DNMT1: variants seen among roughly 807,000 people sequenced by gnomAD.
DNMT1 encodes DNA methyltransferase 1.
Under a neutral mutation model 205.3 loss-of-function variants are expected in DNMT1, and 24 were observed. The observed-to-expected ratio is 0.12, with a 90% CI of 0.08 to 0.16. DNMT1 has a LOEUF of 0.16. Among genes scored for constraint, DNMT1 ranks in the 10% least tolerant of loss-of-function variants. The probability of loss-of-function intolerance (pLI) is 1.00; values close to 1 mark genes in which losing one functional copy is unlikely to be tolerated. For synonymous variants in DNMT1, 817 were observed against 839.8 expected (o/e 0.97, Z 0.47); for missense variants, 1,293 against 2,177.7 (o/e 0.59, Z 8.09).
chr19:10,136,007 G>T, intron 38 of DNMT1, 114 bp downstream of exon 38: 2 of 1,528,014 alleles, frequency 1.3e-6, no homozygotes, highest in Non-Finnish European at 1.8e-6. Flanking sequence ...CAGAGGCCAG[G>T]TGCCTGGGGT....
At chr19:10,165,342 G>C (rs1169155930) in intron 11 of DNMT1, among the ~76,000 whole-genome samples, 1 of 152,150 alleles carries the variant, frequency 6.6e-6, no homozygotes, top group Non-Finnish European at 1.5e-5. Flanking sequence ...GGGGCCCCCT[G>C]GGGTGGAACA....
chr19:10,162,423 C>A (rs1216251302), intron 13 of DNMT1, among the ~76,000 whole-genome samples: 1 of 151,806 alleles, frequency 6.6e-6, no homozygotes, highest in Non-Finnish European at 1.5e-5. Flanking sequence ...GCGTGCACCA[C>A]CATGCCCAGA....
In DNMT1 at chr19:10,146,341, G is replaced by A. The variant is rs781063026; in HGVS notation, c.2894+10C>T. On this transcript the variant is annotated intron_variant, in intron 28 of 40. Transcript: ENST00000359526. This position sits in a 1 kb window ranked among gnomAD's most constrained non-coding sequence, Gnocchi z 4.4. ...CGCCCTGGCCCCGGCTGCTCCGAGGGGGCACTTACTTGAACGTGAAGGCCT... is the reference window on the plus strand; with the variant it reads ...CGCCCTGGCCCCGGCTGCTCCGAGGAGGCACTTACTTGAACGTGAAGGCCT... 1.9e-6 allele frequency: 3 copies of A among 1,613,764 alleles called. No homozygotes were observed. Among genetic ancestry groups the A allele is most frequent in the East Asian group, 2.2e-5 (1 of 44,874 alleles).
chr19:10,180,644 C>CCTT, intron 3 of DNMT1, 75 bp from the exon 4 acceptor site: 1 of 1,492,564 alleles, frequency 6.7e-7, no homozygotes, highest in Non-Finnish European at 9.3e-7. Flanking sequence ...ACATGTGTTT[C>CCTT]CTTCATCATC....
chr19:10,160,087 A>G, intron 14 of DNMT1, 24 bp from the exon 15 acceptor site: 1 of 1,611,744 alleles, frequency 6.2e-7, no homozygotes, highest in Middle Eastern at 1.7e-4. Flanking sequence ...AAAAATCACA[A>G]GATCGTTTGT....
At chr19:10,164,370 T>G (rs2038639737) in intron 11 of DNMT1, among the ~76,000 whole-genome samples, 2 of 152,190 alleles carry the variant, frequency 1.3e-5, no homozygotes, top group Admixed American at 1.3e-4. Flanking sequence ...TTCAAACTCC[T>G]GACTTCAGGT....
chr19:10,188,063 G>C (rs2039229060), intron 1 of DNMT1, among the ~76,000 whole-genome samples: 1 of 152,200 alleles, frequency 6.6e-6, no homozygotes, highest in Non-Finnish European at 1.5e-5. Flanking sequence ...GATCACTAGA[G>C]CCCAGTGAGC....
Position 10,138,123 on chromosome 19 carries a change from C to G in DNMT1, c.4116-114G>C. The G allele has an allele frequency of 7.6e-7, 1 of 1,318,262 alleles. No homozygotes were observed. Among genetic ancestry groups the G allele is most frequent in the Non-Finnish European group, 1.1e-6 (1 of 948,690 alleles). The allele number at this position is 1,318,262 out of a possible 1,614,324, so 81.7% of individuals were successfully genotyped here. A position where few individuals can be genotyped will look rare whatever the true frequency, so the allele number is the denominator to read the frequency against. ...GCCTTCTCCCGAGATCACAGCACTGCCCGAGGTCACATGGGTGGCAGTGTG... is the reference window on the plus strand; with the variant it reads ...GCCTTCTCCCGAGATCACAGCACTGGCCGAGGTCACATGGGTGGCAGTGTG... On this transcript the variant is annotated intron_variant, in intron 35 of 40. Coordinates refer to ENST00000359526, the MANE Select transcript of DNMT1 (RefSeq NM_001130823.3). This position sits in a 1 kb window ranked among gnomAD's most constrained non-coding sequence, Gnocchi z 4.1.
At position 10,161,279 on chromosome 19, in the gene DNMT1, T is replaced by C. The variant is rs1402563700; in HGVS notation, c.1009-861A>G. ...GATGTCGCACCACTGTACTCCAGCCTGGCGGCAGAGCGAGACTCTGTCTCA... is the reference window on the plus strand; with the variant it reads ...GATGTCGCACCACTGTACTCCAGCCCGGCGGCAGAGCGAGACTCTGTCTCA... On this transcript the variant is annotated intron_variant, in intron 13 of 40. Transcript: ENST00000359526. 2.0e-5 allele frequency among the ~76,000 whole-genome samples: 3 copies of C among 152,022 alleles called. No individual in the cohort carries two copies. In the East Asian group the frequency reaches 5.8e-4, roughly 29 times the overall value.
At chr19:10,186,531 G>T (rs994980053) in intron 1 of DNMT1, among the ~76,000 whole-genome samples, 1 of 152,052 alleles carries the variant, frequency 6.6e-6, no homozygotes, top group African/African-American at 2.4e-5. Context: ...CTCTGCAGAG[G>T]GGAGATAAGA....
rs548883904 is a variant in DNMT1 at position 10,142,153 on chromosome 19, C to G, written c.3184G>C (p.Asp1062His). The G allele has an allele frequency of 2.5e-5, 40 of 1,614,036 alleles. 1 individual carries two copies. The South Asian group carries it at 3.3e-4, about 13-fold the overall frequency. Residue 1062 changes from aspartate to histidine, a missense_variant, in exon 30 of 41, where the codon GAC (aspartate) becomes CAC (histidine). Physicochemically the swap from Asp to His is moderately conservative, Grantham distance 81. Transcript: ENST00000359526. ...HADINLLYWS[D>H]EEAVVDFKAV... is the part of the protein sequence containing the mutation. ...TTGAAGTCCACCACGGCCTCCTCGT[C>G]GCTCCAGTAGAGCAGGTTGATGTCT...
At position 10,149,625 on chromosome 19, in the gene DNMT1, C is replaced by A; in HGVS notation, c.2414G>T (p.Gly805Val). The A allele has an allele frequency of 1.2e-6, 2 of 1,613,918 alleles. No homozygotes were observed. The highest frequency in any genetic ancestry group is 2.2e-5 in the South Asian group (2 of 91,062). The stretch of plus-strand genomic sequence containing the variant: ...GAACCAGTGGGCGTGAAACATCTGC[C>A]CGTTGCTGCTGTCCTCCCACAGCGC... ...VTALWEDSSN[G>V]QMFHAHWFCA... Residue 805 changes from glycine to valine, a missense_variant, in exon 26 of 41, where the codon GGG becomes GTG. Coordinates refer to ENST00000359526, the MANE Select transcript of DNMT1 (RefSeq NM_001130823.3).
chr19:10,162,121 C>T (rs577959481), intron 13 of DNMT1, among the ~76,000 whole-genome samples: 2 of 150,532 alleles, frequency 1.3e-5, no homozygotes, highest in African/African-American at 4.9e-5. Flanking sequence ...AAAAGACAGG[C>T]GTGAGCCGCT....
intron 2 of DNMT1, 118 bp from the exon 3 acceptor site, chr19:10,181,003 T>C (rs774016966): frequency 1.5e-4 from 124 of 815,280 alleles, no homozygotes; most frequent in Non-Finnish European, 2.3e-4. Context: ...CAGGCAATGC[T>C]GTCTCAGTCA....
In DNMT1 at chr19:10,186,378, C is replaced by T. The variant is rs181301520; in HGVS notation, c.81-4301G>A. On this transcript the variant is annotated intron_variant, in intron 1 of 40. Coordinates refer to ENST00000359526, the MANE Select transcript of DNMT1 (RefSeq NM_001130823.3). Reference sequence around the variant, plus strand: ...TAGCGACATCCCTTCCCTGGTAAAACTGTGATGACACCGATCACACCTGCT... The same window carrying T: ...TAGCGACATCCCTTCCCTGGTAAAATTGTGATGACACCGATCACACCTGCT... Among the ~76,000 whole-genome samples, 10 of 152,198 alleles carry T rather than the reference C, an allele frequency of 6.6e-5. No homozygotes were observed. The East Asian group carries it at 1.9e-3, about 29-fold the overall frequency.
At position 10,138,263 on chromosome 19, in the gene DNMT1, G is replaced by A. The variant is rs2089532070; in HGVS notation, c.4115+176C>T. Among the ~76,000 whole-genome samples the A allele has an allele frequency of 1.3e-5, 2 of 152,376 alleles. No homozygotes were observed. Among genetic ancestry groups the A allele is most frequent in the South Asian group, 4.1e-4 (2 of 4,832 alleles). ...GCTATCTACTAGGGAAGCAGATGATGCAGGGTCAGAACTGGAGACCACAGG... is the reference window on the plus strand; with the variant it reads ...GCTATCTACTAGGGAAGCAGATGATACAGGGTCAGAACTGGAGACCACAGG... On this transcript the variant is annotated intron_variant, in intron 35 of 40. Transcript: ENST00000359526. The surrounding 1 kb of genome is among the most constrained non-coding windows in gnomAD (Gnocchi z 4.1).
chr19:10,156,241 C>T lies in DNMT1; in HGVS notation c.1399+150G>A, dbSNP rs1262416627. 1.1e-5 allele frequency: 7 copies of T among 660,294 alleles called. No homozygotes were observed. The highest frequency in any genetic ancestry group is 4.4e-5 in the Admixed American group (2 of 45,868). The allele number at this position is 660,294 out of a possible 1,614,324, so 40.9% of individuals were successfully genotyped here. ...TATTTTTTTTTAATAGAGGCAGGCT[C>T]TTGCTATGTTGTCCAGGCTCGTCTC... On this transcript the variant is annotated intron_variant, in intron 18 of 40. Coordinates refer to ENST00000359526, the MANE Select transcript of DNMT1 (RefSeq NM_001130823.3). The surrounding 1 kb of genome is among the most constrained non-coding windows in gnomAD (Gnocchi z 4.2).
At chr19:10,173,203 G>A (rs1411518989) in intron 8 of DNMT1, 29 bp from the exon 9 acceptor site, 2 of 1,612,078 alleles carry the variant, frequency 1.2e-6, no homozygotes, top group Non-Finnish European at 1.7e-6. Context: ...CAGACCCCAA[G>A]TGTGAGTGCC....
At chr19:10,143,179 A>G (rs1261119878) in intron 29 of DNMT1, among the ~76,000 whole-genome samples, 1 of 152,198 alleles carries the variant, frequency 6.6e-6, no homozygotes, top group African/African-American at 2.4e-5. Context: ...ACAGTCATAG[A>G]TGGAGCTTGG....
Sources: allele counts gnomAD v4.1 joint callset (sites outside exome capture counted in the v4.1 genomes callset), GRCh38; gene constraint gnomAD v4.1.1; non-coding constraint Gnocchi (gnomAD v3.1); transcripts MANE v1.5; gene names NCBI Gene and HGNC (gene_info 2026-07-23, HGNC 2026-07-21).